Variants in ADAMTS18 observed in about 807,000 individuals in gnomAD.
ADAMTS18 encodes A disintegrin and metalloproteinase with thrombospondin motifs 18.
In ADAMTS18, 157 loss-of-function variants were observed where a neutral mutation model predicts 165.9. That is an observed-to-expected ratio of 0.95 (90% CI 0.83 to 1.08). The LOEUF (loss-of-function observed/expected upper bound fraction) is 1.08. Ranked by LOEUF, ADAMTS18 falls within the 50% of genes least tolerant of loss-of-function variation. ADAMTS18 has a pLI of 0.00. For synonymous variants in ADAMTS18, 782 were observed against 578.2 expected (o/e 1.35, Z -5.06); for missense variants, 2,040 against 1,534.0 (o/e 1.33, Z -5.51).
intron 2 of ADAMTS18, chr16:77,433,496 T>C (rs1303864983): frequency 1.3e-5 from 2 of 152,238 alleles, no homozygotes; most frequent in African/African-American, 2.4e-5. Context: ...CCTTACAAGG[T>C]TGTGGCTGGG....
chr16:77,398,328 C>A (rs1418879868), intron 3 of ADAMTS18, among the ~76,000 whole-genome samples: 1 of 151,460 alleles, frequency 6.6e-6, no homozygotes. Flanking sequence ...AAAACAACAA[C>A]AACAACAACA....
chr16:77,386,195 AGT>A (rs2144780483), intron 3 of ADAMTS18, among the ~76,000 whole-genome samples: 1 of 152,282 alleles, frequency 6.6e-6, no homozygotes, highest in African/African-American at 2.4e-5. Flanking sequence ...CAGCAGTAAA[AGT>A]GTTTTGATGC....
At chr16:77,330,541 G>A (rs2056171078) in intron 12 of ADAMTS18, among the ~76,000 whole-genome samples, 1 of 152,248 alleles carries the variant, frequency 6.6e-6, no homozygotes, top group Admixed American at 6.5e-5. Context: ...TTCAACTCAC[G>A]TGTCAGTTCT....
In ADAMTS18 at chr16:77,297,368, C is replaced by G; in HGVS notation, c.2722G>C (p.Val908Leu). Reference sequence around the variant, plus strand: ...TTTGCACTGCAGAATGAGGAATTGACTTGAGTATTTTGATCTCGCAAGCAA... The same window carrying G: ...TTTGCACTGCAGAATGAGGAATTGAGTTGAGTATTTTGATCTCGCAAGCAA... ...AICLRDQNTQ[V>L]NSSFCSAKTK... The change falls in exon 18 of 23, where the codon GTC becomes CTC. Residue 908 changes from valine (V) to leucine (L), a missense_variant. Transcript: ENST00000282849. 3.7e-6 allele frequency: 6 copies of G among 1,613,808 alleles called. No homozygotes were observed. Among genetic ancestry groups the G allele is most frequent in the Non-Finnish European group, 5.1e-6 (6 of 1,179,742 alleles).
At chr16:77,387,498 G>A (rs1472818801) in intron 3 of ADAMTS18, among the ~76,000 whole-genome samples, 1 of 152,140 alleles carries the variant, frequency 6.6e-6, no homozygotes, top group Admixed American at 6.5e-5. Context: ...ACACACAGAG[G>A]AAGCTCTGTC....
Position 77,434,719 on chromosome 16 carries a change from G to A in ADAMTS18, c.-24C>T, listed in dbSNP as rs1040522534. 1.5e-5 allele frequency: 22 copies of A among 1,423,176 alleles called. No individual in the cohort carries two copies. The African/African-American group carries it at 2.5e-4, about 16-fold the overall frequency. The allele number at this position is 1,423,176 out of a possible 1,614,324, so 88.2% of individuals were successfully genotyped here. ...ATGGTCAGGTGCGGACGCGGCGGCT[G>A]CGGGTGGCCAGACGCGGCAGGCGGA... On this transcript the variant is annotated 5_prime_UTR_variant, in exon 1 of 23. Transcript: ENST00000282849.
rs1567484021 is a variant in ADAMTS18, at chr16:77,325,889, C to T, written c.2009G>A (p.Trp670Ter). 6.2e-7 allele frequency: 1 copy of T among 1,613,708 alleles called. No homozygotes were observed. The highest frequency in any genetic ancestry group is 8.5e-7 in the Non-Finnish European group (1 of 1,179,934). Residue 670 changes from tryptophan to a stop codon, truncating the protein, a stop_gained, in exon 13 of 23, where the codon TGG becomes TAG. Transcript: ENST00000282849. LOFTEE classifies it high-confidence loss of function. ...SKPFRGWFYQ[W>*]KPYTKVEEED... is the part of the protein sequence containing the mutation. ...ACCTTCCACTTTTGTATAGGGTTTC[C>T]ACTGGTAGAACCATCCACGGAAAGG...
intron 12 of ADAMTS18, among the ~76,000 whole-genome samples, chr16:77,326,525 G>A (rs1200164578): frequency 6.6e-6 from 1 of 152,062 alleles, no homozygotes; most frequent in African/African-American, 2.4e-5. Context: ...TGGGACTGGA[G>A]GCATGCACCA....
intron 8 of ADAMTS18, 58 bp downstream of exon 8, chr16:77,359,260 C>T: frequency 1.4e-6 from 2 of 1,420,044 alleles, no homozygotes; most frequent in Non-Finnish European, 9.9e-7. Flanking sequence ...GTTAGAGGAA[C>T]ACCAATGAAT....
rs1308234890 is a variant in ADAMTS18 at position 77,298,044 on chromosome 16, C to A, written c.2675-629G>T. ...GGTTCAAGCGATTCTCCTGCCTCAG[C>A]CTCCCAGATACCTGGGATTACAGGT... On this transcript the variant is annotated intron_variant, in intron 17 of 22. Transcript: ENST00000282849. Among the ~76,000 whole-genome samples, 6 of 151,148 alleles carry A rather than the reference C, an allele frequency of 4.0e-5. No individual in the cohort carries two copies. In the East Asian group the frequency reaches 1.2e-3, roughly 30 times the overall value.
chr16:77,350,284 C>A (rs1461123548), intron 10 of ADAMTS18, among the ~76,000 whole-genome samples: 2 of 152,002 alleles, frequency 1.3e-5, no homozygotes, highest in Non-Finnish European at 2.9e-5. Context: ...ACAGAAAACT[C>A]GTGGTTGGGA....
intron 3 of ADAMTS18, among the ~76,000 whole-genome samples, chr16:77,372,308 T>G (rs1461728977): frequency 6.6e-6 from 1 of 152,332 alleles, no homozygotes; most frequent in South Asian, 2.1e-4. Flanking sequence ...TGAAGAGATA[T>G]CTGCACTCCA....
chr16:77,331,738 C>G (rs902949288), intron 12 of ADAMTS18, among the ~76,000 whole-genome samples: 1 of 152,088 alleles, frequency 6.6e-6, no homozygotes, highest in Non-Finnish European at 1.5e-5. Context: ...GACATCTTAC[C>G]ATGTACAGGA....
chr16:77,323,425 C>T (rs1003713244), intron 13 of ADAMTS18, among the ~76,000 whole-genome samples: 38 of 152,040 alleles, frequency 2.5e-4, no homozygotes, highest in African/African-American at 8.7e-4. Context: ...AGGTTCTCTC[C>T]CATCTATAAT....
At chr16:77,357,994 A>T (rs2056656021) in intron 8 of ADAMTS18, among the ~76,000 whole-genome samples, 1 of 152,246 alleles carries the variant, frequency 6.6e-6, no homozygotes, top group Admixed American at 6.5e-5. Context: ...TATTTTGAAA[A>T]GTGACACCTG....
intron 10 of ADAMTS18, among the ~76,000 whole-genome samples, chr16:77,351,232 C>A (rs2056551268): frequency 1.3e-5 from 2 of 152,188 alleles, no homozygotes; most frequent in Admixed American, 1.3e-4. Flanking sequence ...CCTACCTTCT[C>A]CATTAACCTC....
At chr16:77,300,638 C>T (rs951865692) in intron 16 of ADAMTS18, among the ~76,000 whole-genome samples, 3 of 151,962 alleles carry the variant, frequency 2.0e-5, no homozygotes, top group Admixed American at 1.3e-4. Flanking sequence ...GAGCAAAACA[C>T]GATTGACATT....
intron 3 of ADAMTS18, among the ~76,000 whole-genome samples, chr16:77,412,160 T>C (rs949681052): frequency 3.9e-5 from 6 of 152,082 alleles, no homozygotes; most frequent in African/African-American, 1.2e-4. Flanking sequence ...ACAAAAAGAC[T>C]GAGTAAGGAA....
chr16:77,420,598 A>G (rs1040544141), intron 3 of ADAMTS18, among the ~76,000 whole-genome samples: 4 of 152,234 alleles, frequency 2.6e-5, no homozygotes, highest in Admixed American at 6.5e-5. Context: ...TTCACACACA[A>G]AAGAAACTTT....
Sources: gnomAD v4.1 joint callset for allele counts (sites outside exome capture counted in the v4.1 genomes callset) on GRCh38, gnomAD v4.1.1 for gene constraint, MANE v1.5 for transcripts, NCBI Gene and HGNC (gene_info 2026-07-23, HGNC 2026-07-21) for gene names.